MPDZ: variants seen among roughly 807,000 people sequenced by gnomAD.
MPDZ encodes multiple PDZ domain crumbs cell polarity complex component, also known as multiple PDZ domain protein.
Under a neutral mutation model 239.1 loss-of-function variants are expected in MPDZ, and 234 were observed. The ratio of observed to expected loss-of-function variants is 0.98; its 90% CI spans 0.88 to 1.09. The LOEUF (loss-of-function observed/expected upper bound fraction) is 1.09. Ranked by LOEUF, MPDZ falls within the 50% of genes least tolerant of loss-of-function variation. The pLI is 0.00. For missense variants in MPDZ, 3,175 were observed against 2,510.0 expected (o/e 1.26, Z -5.66); for synonymous variants, 1,048 against 881.3 (o/e 1.19, Z -3.35).
chr9:13,187,087 A>G (rs1227396397), intron 17 of MPDZ, among the ~76,000 whole-genome samples: 2 of 152,172 alleles, frequency 1.3e-5, no homozygotes, highest in African/African-American at 4.8e-5. Flanking sequence ...TTAGATAATC[A>G]GCCTGCCTAC....
At chr9:13,127,568 A>G (rs1945309794) in intron 32 of MPDZ, among the ~76,000 whole-genome samples, 1 of 152,252 alleles carries the variant, frequency 6.6e-6, no homozygotes, top group Non-Finnish European at 1.5e-5. Flanking sequence ...AAAAGAAAAG[A>G]GAATCTTGAC....
At chr9:13,251,504 T>C (rs1198687315) in intron 1 of MPDZ, among the ~76,000 whole-genome samples, 1 of 152,196 alleles carries the variant, frequency 6.6e-6, no homozygotes, top group African/African-American at 2.4e-5. Context: ...CATCTCTCTT[T>C]TGCCTCACAG....
chr9:13,189,042 C>A, intron 16 of MPDZ, 49 bp from the exon 17 acceptor site: 1 of 1,533,262 alleles, frequency 6.5e-7, no homozygotes, highest in Non-Finnish European at 8.9e-7. Context: ...AAAGAAAATT[C>A]TTCTACAGGT....
chr9:13,224,478 G>A lies in MPDZ; in HGVS notation c.289C>T (p.Pro97Ser). The change falls in exon 4 of 47, where the codon CCA (proline) becomes TCA (serine). Residue 97 changes from proline to serine, a missense_variant. Coordinates refer to ENST00000319217, the MANE Select transcript of MPDZ (RefSeq NM_001378778.1). Reference sequence around the variant, plus strand: ...AGTGCTTCCAGATTCCCATTGTTTGGGGATAATAAAAACGATTCATTTTGC... The same window carrying A: ...AGTGCTTCCAGATTCCCATTGTTTGAGGATAATAAAAACGATTCATTTTGC... ...TLQNESFLLS[P>S]NNGNLEALTG... is the part of the protein sequence containing the mutation. 1 of 1,612,802 alleles carries A rather than the reference G, an allele frequency of 6.2e-7. No homozygotes were observed. The highest frequency in any genetic ancestry group is 8.5e-7 in the Non-Finnish European group (1 of 1,179,190).
chr9:13,129,543 C>T (rs1011842738), intron 32 of MPDZ, among the ~76,000 whole-genome samples: 4 of 151,708 alleles, frequency 2.6e-5, no homozygotes, highest in Non-Finnish European at 5.9e-5. Context: ...GAAAGGATAA[C>T]AGCATATGAA....
At chr9:13,182,043 A>G (rs1294968704) in intron 19 of MPDZ, among the ~76,000 whole-genome samples, 1 of 152,152 alleles carries the variant, frequency 6.6e-6, no homozygotes, top group Non-Finnish European at 1.5e-5. Context: ...CAAGGATAAC[A>G]GGTGCACCTT....
At chr9:13,164,278 A>G (rs1363882676) in intron 22 of MPDZ, among the ~76,000 whole-genome samples, 1 of 152,218 alleles carries the variant, frequency 6.6e-6, no homozygotes, top group African/African-American at 2.4e-5. Context: ...ATTCATCTAT[A>G]AAGACATCTT....
chr9:13,243,923 G>A (rs1965999735), intron 3 of MPDZ, among the ~76,000 whole-genome samples: 1 of 152,200 alleles, frequency 6.6e-6, no homozygotes, highest in Non-Finnish European at 1.5e-5. Flanking sequence ...GAGACCTCCT[G>A]AATATTCTGT....
chr9:13,189,696 T>G (rs2134905464), intron 16 of MPDZ, among the ~76,000 whole-genome samples: 1 of 152,284 alleles, frequency 6.6e-6, no homozygotes, highest in Middle Eastern at 3.4e-3. Flanking sequence ...TATTCATAAA[T>G]TTAGTCAAAT....
At chr9:13,159,639 G>T (rs984284756) in intron 23 of MPDZ, among the ~76,000 whole-genome samples, 3 of 152,064 alleles carry the variant, frequency 2.0e-5, no homozygotes, top group African/African-American at 7.2e-5. Flanking sequence ...GATGGGGGGA[G>T]GTCCTTAGCC....
intron 1 of MPDZ, among the ~76,000 whole-genome samples, chr9:13,260,324 G>T (rs7048187): frequency 0.36 from 54,261 of 151,884 alleles, 10,636 homozygotes; most frequent in East Asian, 0.54. Flanking sequence ...GCTAGATTAA[G>T]ATTAGTTAAG....
chr9:13,162,610 C>G, intron 23 of MPDZ, 81 bp downstream of exon 23: 4 of 785,932 alleles, frequency 5.1e-6, no homozygotes, highest in Non-Finnish European at 3.9e-6. Flanking sequence ...TTTCTTTGCT[C>G]TAGTCCTCCC....
chr9:13,206,182 A>T, intron 10 of MPDZ, 83 bp from the exon 11 acceptor site: 1 of 1,275,328 alleles, frequency 7.8e-7, no homozygotes, highest in Non-Finnish European at 1.1e-6. Flanking sequence ...GTGTATGTAT[A>T]GTTGTTAGTG....
intron 3 of MPDZ, among the ~76,000 whole-genome samples, chr9:13,233,415 G>A (rs1423130591): frequency 2.6e-5 from 4 of 151,982 alleles, no homozygotes; most frequent in Admixed American, 1.3e-4. Flanking sequence ...CAGGCACAAA[G>A]CATATATGCT....
At chr9:13,125,458 A>G in intron 34 of MPDZ, 68 bp from the exon 35 acceptor site, 1 of 1,381,930 alleles carries the variant, frequency 7.2e-7, no homozygotes, top group South Asian at 1.3e-5. Flanking sequence ...CCAATGAGTC[A>G]CCATTATCAA....
intron 23 of MPDZ, among the ~76,000 whole-genome samples, chr9:13,159,502 G>A (rs1483243674): frequency 6.6e-6 from 1 of 152,158 alleles, no homozygotes; most frequent in Non-Finnish European, 1.5e-5. Context: ...ATGCAAGGCA[G>A]AGAGGTAAAA....
chr9:13,240,392 G>C (rs1322542091), intron 3 of MPDZ, among the ~76,000 whole-genome samples: 1 of 151,590 alleles, frequency 6.6e-6, no homozygotes, highest in Admixed American at 6.6e-5. Context: ...ACGTTAAAAA[G>C]AATCTATGAT....
chr9:13,126,583 C>G lies in MPDZ; in HGVS notation c.4565G>C (p.Arg1522Pro). Residue 1522 changes from arginine (R) to proline (P), a missense_variant, in exon 34 of 47, where the codon CGA becomes CCA. Physicochemically the swap from Arg to Pro is moderately radical, Grantham distance 103. Transcript: ENST00000319217. Reference protein sequence around the residue: ...TEHGVAATDGRLKVGDQILAV... With the variant: ...TEHGVAATDGPLKVGDQILAV... ...CAGTATCTGATCTCCGACTTTGAGTCGTCCATCCTAAATGGAAACGTAGAA... is the reference window on the plus strand; with the variant it reads ...CAGTATCTGATCTCCGACTTTGAGTGGTCCATCCTAAATGGAAACGTAGAA... 1 of 1,600,844 alleles carries G rather than the reference C, an allele frequency of 6.2e-7. No individual in the cohort carries two copies. Among genetic ancestry groups the G allele is most frequent in the Non-Finnish European group, 8.5e-7 (1 of 1,172,892 alleles).
Position 13,133,903 on chromosome 9 carries a change from G to A in MPDZ, c.4385C>T (p.Thr1462Ile), listed in dbSNP as rs551565201. ...ATCAGAAGTAGTAACAGTTGGCTCT[G>A]TCTGACAGAGGGAAAGAAATGACAA... is the stretch of plus-strand genomic sequence containing the variant. The part of the protein sequence containing the change: ...SNSENLQNKE[T>I]EPTVTTSDAA... The change falls in exon 32 of 47, where the codon ACA becomes ATA. Residue 1462 changes from threonine (T) to isoleucine (I), a missense_variant and splice_region_variant. Physicochemically the swap from Thr to Ile is moderately conservative, Grantham distance 89 (BLOSUM62 -1). Transcript: ENST00000319217. 2 of 1,522,664 alleles carry A rather than the reference G, an allele frequency of 1.3e-6. No individual in the cohort carries two copies. The highest frequency in any genetic ancestry group is 1.4e-5 in the South Asian group (1 of 71,860). 94.3% of individuals were successfully genotyped at this position (1,522,664 alleles called of 1,614,324 possible).
Sources: gnomAD v4.1 joint callset for allele counts (sites outside exome capture counted in the v4.1 genomes callset) on GRCh38, gnomAD v4.1.1 for gene constraint, MANE v1.5 for transcripts, NCBI Gene and HGNC (gene_info 2026-07-23, HGNC 2026-07-21) for gene names.